The following SLC5A1 variants were observed in gnomAD, a reference collection of about 807,000 sequenced individuals.
SLC5A1 encodes the protein solute carrier family 5 member 1.
In SLC5A1, 42 loss-of-function variants were observed where a neutral mutation model predicts 73.5. The ratio of observed to expected loss-of-function variants is 0.57; its 90% CI spans 0.45 to 0.74. The LOEUF is 0.74. SLC5A1 is among the 30% of genes least tolerant of loss of function. SLC5A1 has a pLI of 0.00. For missense variants in SLC5A1, 634 were observed against 855.4 expected (o/e 0.74, Z 3.23); for synonymous variants, 300 against 317.4 (o/e 0.95, Z 0.58).
At chr22:32,092,092 C>T (rs1482534688) in intron 11 of SLC5A1, among the ~76,000 whole-genome samples, 2 of 152,062 alleles carry the variant, frequency 1.3e-5, no homozygotes, top group Non-Finnish European at 2.9e-5. Flanking sequence ...TTATCCCTCG[C>T]CCCCCTCCCA....
chr22:32,085,468 C>T (rs910439541), intron 9 of SLC5A1, among the ~76,000 whole-genome samples: 1 of 151,678 alleles, frequency 6.6e-6, no homozygotes, highest in African/African-American at 2.4e-5. Context: ...ATTATTGCTC[C>T]TGTGCTAGAC....
intron 11 of SLC5A1, among the ~76,000 whole-genome samples, chr22:32,094,120 C>T (rs1258054853): frequency 6.6e-6 from 1 of 152,006 alleles, no homozygotes; most frequent in Non-Finnish European, 1.5e-5. Flanking sequence ...GTTTTTAATT[C>T]TGTTTATGTG....
chr22:32,051,049 A>C (rs1364671470), intron 2 of SLC5A1, among the ~76,000 whole-genome samples: 3 of 152,154 alleles, frequency 2.0e-5, no homozygotes, highest in Admixed American at 6.5e-5. Context: ...CTCTTTGGAT[A>C]TTGGCAGCAG....
chr22:32,056,985 C>A (rs1247282516), intron 2 of SLC5A1, among the ~76,000 whole-genome samples: 6 of 152,084 alleles, frequency 3.9e-5, no homozygotes, highest in African/African-American at 1.4e-4. Flanking sequence ...TCCAGTAATA[C>A]CCTTTAGGGT....
At chr22:32,082,533 A>C (rs551653522) in intron 6 of SLC5A1, among the ~76,000 whole-genome samples, 1 of 151,950 alleles carries the variant, frequency 6.6e-6, no homozygotes, top group East Asian at 1.9e-4. Flanking sequence ...TCACACACAG[A>C]GGTTTCAGAA....
At chr22:32,060,110 C>T (rs1475032712) in intron 2 of SLC5A1, among the ~76,000 whole-genome samples, 9 of 149,422 alleles carry the variant, frequency 6.0e-5, no homozygotes, top group Admixed American at 6.0e-4. Flanking sequence ...TATATACACA[C>T]ACATATATAT....
intron 11 of SLC5A1, 98 bp downstream of exon 11, chr22:32,091,860 T>C: frequency 8.4e-7 from 1 of 1,188,228 alleles, no homozygotes; most frequent in Non-Finnish European, 1.2e-6. Context: ...GATGCCTGGG[T>C]AGAATGGGAA....
intron 5 of SLC5A1, among the ~76,000 whole-genome samples, chr22:32,075,103 G>A (rs905855068): frequency 6.9e-6 from 1 of 145,704 alleles, no homozygotes; most frequent in Non-Finnish European, 1.5e-5. Context: ...TTAGAGATAG[G>A]GTCTCACTAT....
At chr22:32,106,417 CTCA>C (rs575546237) in intron 14 of SLC5A1, among the ~76,000 whole-genome samples, 57 of 152,242 alleles carry the variant, frequency 3.7e-4, no homozygotes, top group Non-Finnish European at 6.5e-4. Flanking sequence ...ATTCTTACCC[CTCA>C]TATTTGACAG....
chr22:32,087,862 A>G (rs1198547386), intron 10 of SLC5A1, among the ~76,000 whole-genome samples: 1 of 152,180 alleles, frequency 6.6e-6, no homozygotes, highest in African/African-American at 2.4e-5. Flanking sequence ...ACGGAAGCCA[A>G]TAGAGGGGAG....
intron 10 of SLC5A1, among the ~76,000 whole-genome samples, chr22:32,089,280 G>A (rs1350737621): frequency 3.3e-5 from 5 of 151,954 alleles, no homozygotes; most frequent in African/African-American, 1.2e-4. Context: ...CTCAGAAAGA[G>A]CCATTAAAAA....
intron 2 of SLC5A1, among the ~76,000 whole-genome samples, chr22:32,051,570 C>T (rs531476464): frequency 1.4e-4 from 22 of 152,030 alleles, no homozygotes; most frequent in Non-Finnish European, 2.6e-4. Context: ...GTGGGAGGAT[C>T]GCTTGATCTG....
chr22:32,090,922 T>C (rs550195117), intron 10 of SLC5A1, among the ~76,000 whole-genome samples: 40 of 152,152 alleles, frequency 2.6e-4, no homozygotes, highest in Non-Finnish European at 5.3e-4. Context: ...TTTAAAAATT[T>C]ATTATCATAG....
At chr22:32,045,570 T>C (rs76556986) in intron 1 of SLC5A1, among the ~76,000 whole-genome samples, 4,885 of 152,322 alleles carry the variant, frequency 0.032, 241 homozygotes, top group African/African-American at 0.11. Flanking sequence ...CCATTGTGTT[T>C]CTTCAACTTA....
chr22:32,072,744 C>A (rs1042882451), intron 5 of SLC5A1, among the ~76,000 whole-genome samples: 2 of 152,208 alleles, frequency 1.3e-5, no homozygotes. Flanking sequence ...TGAACAAAGT[C>A]TAGATCACAT....
At chr22:32,102,584 TAGTG>T (rs1458554753) in intron 13 of SLC5A1, among the ~76,000 whole-genome samples, 2 of 152,142 alleles carry the variant, frequency 1.3e-5, no homozygotes, top group East Asian at 3.9e-4. Flanking sequence ...CCTGACAACA[TAGTG>T]AGACTCTGTC....
intron 2 of SLC5A1, among the ~76,000 whole-genome samples, chr22:32,060,658 T>G (rs1296210873): frequency 6.6e-6 from 1 of 152,088 alleles, no homozygotes; most frequent in East Asian, 1.9e-4. Flanking sequence ...CAACCTTGAA[T>G]TACTGGGCTC....
At chr22:32,099,761 C>T (rs745792712) in intron 12 of SLC5A1, among the ~76,000 whole-genome samples, 16 of 152,064 alleles carry the variant, frequency 1.1e-4, no homozygotes, top group Admixed American at 2.6e-4. Context: ...GCATGGCACT[C>T]CCTAGGCATT....
At position 32,111,956 on chromosome 22, in the gene SLC5A1, C is replaced by A. The variant is rs181783221; in HGVS notation, c.*1743C>A. 3.3e-5 allele frequency: 5 copies of A among 152,092 alleles called. No individual in the cohort carries two copies. The highest frequency in any genetic ancestry group is 5.9e-5 in the Non-Finnish European group (4 of 67,998). 9.4% of individuals were successfully genotyped at this position (152,092 alleles called of 1,614,324 possible). ...GTAGAAAAGCAGAAGCTGCTTTGACCGTGAAAATATTTGACTCCTATCAGT... is the reference window on the plus strand; with the variant it reads ...GTAGAAAAGCAGAAGCTGCTTTGACAGTGAAAATATTTGACTCCTATCAGT... On this transcript the variant is annotated 3_prime_UTR_variant, in exon 15 of 15. Coordinates refer to ENST00000266088, the MANE Select transcript of SLC5A1 (RefSeq NM_000343.4).
Sources: allele counts gnomAD v4.1 joint callset (sites outside exome capture counted in the v4.1 genomes callset), GRCh38; gene constraint gnomAD v4.1.1; transcripts MANE v1.5; gene names NCBI Gene and HGNC (gene_info 2026-07-23, HGNC 2026-07-21).